Variants in ZFAT observed in about 807,000 individuals in gnomAD.
ZFAT encodes the protein zinc finger and AT-hook domain containing.
In ZFAT, 64 loss-of-function variants were observed where a neutral mutation model predicts 117.7. The observed-to-expected ratio is 0.54, with a 90% confidence interval of 0.44 to 0.67. The LOEUF is 0.67. Ranked by LOEUF, ZFAT falls within the 30% of genes least tolerant of loss-of-function variation. The probability of loss-of-function intolerance (pLI) is 0.00; values close to 1 mark genes in which losing one functional copy is unlikely to be tolerated. For synonymous variants in ZFAT, 679 were observed against 615.0 expected (o/e 1.10, Z -1.54); for missense variants, 1,433 against 1,584.5 (o/e 0.90, Z 1.62).
intron 1 of ZFAT, among the ~76,000 whole-genome samples, chr8:134,692,591 G>C (rs957033057): frequency 6.6e-6 from 1 of 152,160 alleles, no homozygotes; most frequent in Admixed American, 6.5e-5. Context: ...CTAGTCAAAG[G>C]ATGAAAGTAA....
intron 2 of ZFAT, among the ~76,000 whole-genome samples, chr8:134,655,280 G>A (rs1200889019): frequency 3.9e-5 from 6 of 152,204 alleles, no homozygotes; most frequent in Non-Finnish European, 5.9e-5. Context: ...GTCGGAAAAT[G>A]CACCTTACAA....
chr8:134,492,837 A>C (rs764506653), intron 15 of ZFAT, among the ~76,000 whole-genome samples: 1 of 152,240 alleles, frequency 6.6e-6, no homozygotes. Context: ...CAGGACAAAA[A>C]GAAGGGTGTT....
At chr8:134,528,087 C>T (rs2130528086) in intron 12 of ZFAT, among the ~76,000 whole-genome samples, 1 of 152,356 alleles carries the variant, frequency 6.6e-6, no homozygotes, top group African/African-American at 2.4e-5. Context: ...TCCTTCTCCT[C>T]CTCTTTCTCC....
intron 2 of ZFAT, among the ~76,000 whole-genome samples, chr8:134,639,113 A>T (rs1830437571): frequency 6.6e-6 from 1 of 152,212 alleles, no homozygotes. Flanking sequence ...TAAGTAAGTC[A>T]CTTGTGCTCA....
At chr8:134,716,504 G>A (rs894681457), upstream of ZFAT, among the ~76,000 whole-genome samples, 8 of 152,282 alleles carry the variant, frequency 5.3e-5, 1 homozygote, top group South Asian at 2.1e-4. Flanking sequence ...ATTAATCTCC[G>A]GAGTGGTTTT....
the ZFAT span, among the ~76,000 whole-genome samples, chr8:134,820,133 C>T: frequency 4.9e-4 from 74 of 152,166 alleles, no homozygotes; most frequent in Non-Finnish European, 6.9e-4. Flanking sequence ...AGTTCATCCT[C>T]TTAAATGTTT....
At chr8:134,549,238 G>A (rs1438041680) in intron 11 of ZFAT, among the ~76,000 whole-genome samples, 7 of 152,056 alleles carry the variant, frequency 4.6e-5, no homozygotes, top group East Asian at 3.9e-4. Flanking sequence ...TCAAGAGATC[G>A]AGACCATCCT....
At chr8:134,574,259 G>C (rs938239227) in intron 10 of ZFAT, among the ~76,000 whole-genome samples, 1 of 152,080 alleles carries the variant, frequency 6.6e-6, no homozygotes, top group African/African-American at 2.4e-5. Context: ...TGTCGCCCTA[G>C]ACCTCTGAAG....
Position 134,539,454 on chromosome 8 carries a change from G to A in ZFAT, c.2977-6482C>T, listed in dbSNP as rs1052314764. Among the ~76,000 whole-genome samples, 8 of 152,320 alleles carry A rather than the reference G, an allele frequency of 5.3e-5. No homozygotes were observed. In the East Asian group the frequency reaches 1.2e-3, roughly 22 times the overall value. On this transcript the variant is annotated intron_variant, in intron 11 of 15. Transcript: ENST00000377838. The stretch of plus-strand genomic sequence containing the variant: ...TGTGAATCCACCCCTTTGTTGATAA[G>A]CCTACCTTGGAGAGGGTGAAGAAGA...
chr8:134,520,920 A>G lies in ZFAT; in HGVS notation c.3197T>C (p.Leu1066Ser). 3 of 1,613,846 alleles carry G rather than the reference A, an allele frequency of 1.9e-6. No homozygotes were observed. The highest frequency in any genetic ancestry group is 2.5e-6 in the Non-Finnish European group (3 of 1,179,828). ...FNRHLKNKHG[L>S]KVVEIDGDPK... is the part of the protein sequence containing the mutation. ...GTCTCCATCAATTTCCACCACCTTC[A>G]AGCCATGTTTGTTCTTCAAGTGCCT... Residue 1066 changes from leucine (L) to serine (S), a missense_variant, in exon 13 of 16, where the codon TTG (leucine) becomes TCG (serine). Physicochemically the swap from Leu to Ser is moderately radical, Grantham distance 145 (BLOSUM62 -2). Around this residue, in one of 5 missense-constraint regions of ZFAT, gnomAD observed 503 missense variants for 543.4 expected, o/e 0.93. Transcript: ENST00000377838.
At chr8:134,711,356 C>T (rs1174232380) in intron 1 of ZFAT, among the ~76,000 whole-genome samples, 1 of 152,228 alleles carries the variant, frequency 6.6e-6, no homozygotes, top group Non-Finnish European at 1.5e-5. Context: ...AAGTTTCAGA[C>T]TTTGGAGCAT....
intron 7 of ZFAT, chr8:134,600,058 C>A: frequency 2.8e-6 from 1 of 351,084 alleles, no homozygotes; most frequent in Non-Finnish European, 5.4e-6. Context: ...ACAGCATTAT[C>A]TAATTCAACC....
intron 3 of ZFAT, among the ~76,000 whole-genome samples, chr8:134,611,612 C>G (rs1828335963): frequency 6.6e-6 from 1 of 152,218 alleles, no homozygotes; most frequent in Non-Finnish European, 1.5e-5. Context: ...GGCTCAAGTT[C>G]CCACAGAGGA....
chr8:134,725,871 A>G, the ZFAT span, among the ~76,000 whole-genome samples: 2 of 152,190 alleles, frequency 1.3e-5, no homozygotes, highest in Non-Finnish European at 2.9e-5. Flanking sequence ...AGAAGCAGAG[A>G]GCCAGGACTC....
intron 1 of ZFAT, among the ~76,000 whole-genome samples, chr8:134,674,061 G>A (rs904534905): frequency 6.6e-6 from 1 of 152,224 alleles, no homozygotes; most frequent in Non-Finnish European, 1.5e-5. Context: ...ATTTCCAGCT[G>A]AGGTAGCCAG....
the ZFAT span, among the ~76,000 whole-genome samples, chr8:134,782,522 A>G: frequency 1.3e-5 from 2 of 152,220 alleles, no homozygotes; most frequent in African/African-American, 4.8e-5. Context: ...TAATTAAAAT[A>G]ACTACCTTAT....
chr8:134,515,185 A>G (rs1397919109), intron 13 of ZFAT, among the ~76,000 whole-genome samples: 2 of 151,980 alleles, frequency 1.3e-5, no homozygotes, highest in African/African-American at 4.8e-5. Flanking sequence ...TGTGTACTGA[A>G]TTTTCTTTAT....
chr8:134,784,301 T>A, the ZFAT span: 2 of 152,360 alleles, frequency 1.3e-5, no homozygotes, highest in Non-Finnish European at 2.9e-5. Flanking sequence ...TCCTGCTATT[T>A]CAATAACTGC....
Position 134,528,890 on chromosome 8 carries a change from G to C in ZFAT, c.3115+3944C>G, listed in dbSNP as rs186543126. Among the ~76,000 whole-genome samples the C allele has an allele frequency of 5.3e-5, 8 of 152,324 alleles. No homozygotes were observed. In the South Asian group the frequency reaches 1.0e-3, roughly 20 times the overall value. On this transcript the variant is annotated intron_variant, in intron 12 of 15. Coordinates refer to ENST00000377838, the MANE Select transcript of ZFAT (RefSeq NM_020863.4). ...GACACCAAGTCCCAGTGCCTAGCATGGTTCCAGGCACACTGTAGGCGCTTG... is the reference window on the plus strand; with the variant it reads ...GACACCAAGTCCCAGTGCCTAGCATCGTTCCAGGCACACTGTAGGCGCTTG...
Sources: allele counts gnomAD v4.1 joint callset (sites outside exome capture counted in the v4.1 genomes callset), GRCh38; gene constraint gnomAD v4.1.1; regional missense constraint gnomAD v4.1.1; transcripts MANE v1.5; gene names NCBI Gene and HGNC (gene_info 2026-07-23, HGNC 2026-07-21).